STAG1: variants seen among roughly 807,000 people sequenced by gnomAD.
The protein encoded by STAG1 is cohesin subunit SA-1.
In STAG1, 26 loss-of-function variants were observed where a neutral mutation model predicts 170.9. The observed-to-expected ratio is 0.15, with a 90% CI of 0.11 to 0.21. STAG1 has a LOEUF of 0.21. Ranked by LOEUF, STAG1 falls within the 10% of genes least tolerant of loss-of-function variation. The probability of loss-of-function intolerance (pLI) is 1.00; values close to 1 mark genes in which losing one functional copy is unlikely to be tolerated. For synonymous variants in STAG1, 514 were observed against 497.7 expected (o/e 1.03, Z -0.44); for missense variants, 964 against 1,509.5 (o/e 0.64, Z 5.99).
chr3:136,356,476 G>A (rs1377463765), intron 28 of STAG1, among the ~76,000 whole-genome samples: 2 of 151,836 alleles, frequency 1.3e-5, no homozygotes, highest in African/African-American at 4.8e-5. Context: ...AAACTCCTGG[G>A]CTCAAGTGAT....
intron 9 of STAG1, among the ~76,000 whole-genome samples, chr3:136,478,593 T>C (rs774875017): frequency 6.6e-5 from 10 of 152,196 alleles, no homozygotes; most frequent in Non-Finnish European, 1.3e-4. Context: ...ATCTATCATT[T>C]TAGCTAAAAT....
At chr3:136,687,191 T>C (rs1304893103) in intron 1 of STAG1, among the ~76,000 whole-genome samples, 1 of 152,234 alleles carries the variant, frequency 6.6e-6, no homozygotes, top group African/African-American at 2.4e-5. Flanking sequence ...GGTTGACTAC[T>C]GAATCCCCCT....
At position 136,340,471 on chromosome 3, in the gene STAG1, AAT is replaced by A; in HGVS notation, c.3672+18_3672+19del. On this transcript the variant is annotated intron_variant, in intron 32 of 33. Coordinates refer to ENST00000383202, the MANE Select transcript of STAG1 (RefSeq NM_005862.3). ...CCCCCACATATTTTAACAAAAGAAA[AAT>A]ATAGTGAATTTCTCTACCAGATCAA... 2.0e-6 allele frequency: 3 copies of A among 1,515,282 alleles called. No individual in the cohort carries two copies. Among genetic ancestry groups the A allele is most frequent in the Non-Finnish European group, 2.8e-6 (3 of 1,089,976 alleles). The allele number at this position is 1,515,282 out of a possible 1,614,324, so 93.9% of individuals were successfully genotyped here. A position where few individuals can be genotyped will look rare whatever the true frequency, so the allele number is the denominator to read the frequency against.
At chr3:136,613,313 C>CAAAAAAAAAAAAAAAAAAAAAAAAAA (rs60449608) in intron 3 of STAG1, among the ~76,000 whole-genome samples, 1 of 59,762 alleles carries the variant, frequency 1.7e-5, no homozygotes, top group African/African-American at 7.0e-5. Flanking sequence ...GACTCCGTCT[C>CAAAAAAAAAAAAAAAAAAAAAAAAAA]AAAAAAAAAA....
Position 136,363,380 on chromosome 3 carries a change from G to A in STAG1, c.2773C>T (p.Leu925Phe). Reference sequence around the variant, plus strand: ...AAATTTCTTACCTGTTGCAAACTGAGAATGAGAGTCTTGGCACACTGAATT... The same window carrying A: ...AAATTTCTTACCTGTTGCAAACTGAAAATGAGAGTCTTGGCACACTGAATT... ...DKIQCAKTLI[L>F]SLQQLFNELV... Residue 925 changes from leucine to phenylalanine, a missense_variant, in exon 26 of 34, where the codon CTC becomes TTC. By Grantham distance (22) the Leu-to-Phe change is conservative. Transcript: ENST00000383202. 1 of 1,594,074 alleles carries A rather than the reference G, an allele frequency of 6.3e-7. No individual in the cohort carries two copies. The highest frequency in any genetic ancestry group is 8.6e-7 in the Non-Finnish European group (1 of 1,165,156).
intron 5 of STAG1, among the ~76,000 whole-genome samples, chr3:136,545,109 C>A (rs947284877): frequency 6.6e-6 from 1 of 151,880 alleles, no homozygotes; most frequent in Non-Finnish European, 1.5e-5. Flanking sequence ...AGTGCAATGG[C>A]GCGATCTCAG....
chr3:136,683,311 T>C (rs4456810), intron 1 of STAG1, among the ~76,000 whole-genome samples: 41,323 of 151,910 alleles, frequency 0.27, 5,671 homozygotes, highest in African/African-American at 0.31. Context: ...TCTCCCAGGC[T>C]GGAGTACAGT....
chr3:136,360,289 G>A (rs947622924), intron 26 of STAG1, among the ~76,000 whole-genome samples: 5 of 152,012 alleles, frequency 3.3e-5, no homozygotes, highest in Non-Finnish European at 5.9e-5. Context: ...GTAAGGTTTC[G>A]CCTGCTCAAT....
chr3:136,554,750 G>A (rs9834780), intron 5 of STAG1, among the ~76,000 whole-genome samples: 4 of 151,922 alleles, frequency 2.6e-5, no homozygotes, highest in African/African-American at 9.7e-5. Flanking sequence ...AGAAAAATCA[G>A]CTGGTGTGGT....
intron 28 of STAG1, among the ~76,000 whole-genome samples, chr3:136,352,505 A>G (rs1426471178): frequency 1.3e-5 from 2 of 152,210 alleles, no homozygotes; most frequent in Non-Finnish European, 2.9e-5. Context: ...ACAAAGAAAC[A>G]GGAAAATGTG....
intron 23 of STAG1, among the ~76,000 whole-genome samples, chr3:136,376,034 A>AATAAAATAAAATAAAATAAAATAAG (rs1937597889): frequency 1.3e-5 from 2 of 148,356 alleles, no homozygotes; most frequent in Non-Finnish European, 3.0e-5. Flanking sequence ...AATAAAATAA[A>AATAAAATAAAATAAAATAAAATAAG]ATAAAATAAA....
chr3:136,529,941 C>G (rs377489581), intron 6 of STAG1, among the ~76,000 whole-genome samples: 1 of 152,036 alleles, frequency 6.6e-6, no homozygotes, highest in South Asian at 2.1e-4. Context: ...AAGACAAAGA[C>G]CAGATGAGTA....
chr3:136,360,988 G>A (rs1167816093), intron 26 of STAG1, among the ~76,000 whole-genome samples: 1 of 151,972 alleles, frequency 6.6e-6, no homozygotes, highest in Non-Finnish European at 1.5e-5. Flanking sequence ...TTCACATATT[G>A]GTATATACAA....
chr3:136,522,556 TTTTG>T (rs1319968010), intron 6 of STAG1, among the ~76,000 whole-genome samples: 1 of 152,068 alleles, frequency 6.6e-6, no homozygotes, highest in Non-Finnish European at 1.5e-5. Flanking sequence ...TGCTGTTCTT[TTTTG>T]TTTTTAATTA....
At chr3:136,603,516 T>G (rs1938781783) in intron 4 of STAG1, among the ~76,000 whole-genome samples, 1 of 152,178 alleles carries the variant, frequency 6.6e-6, no homozygotes, top group Non-Finnish European at 1.5e-5. Context: ...GGCTTATCCT[T>G]ACAATGCATT....
At chr3:136,663,159 G>T (rs1941634580) in intron 1 of STAG1, among the ~76,000 whole-genome samples, 1 of 151,988 alleles carries the variant, frequency 6.6e-6, no homozygotes, top group African/African-American at 2.4e-5. Context: ...TGTGTAAGAG[G>T]ATAAAAAAGC....
intron 22 of STAG1, among the ~76,000 whole-genome samples, chr3:136,380,557 A>T (rs1937898077): frequency 6.6e-6 from 1 of 152,012 alleles, no homozygotes; most frequent in Admixed American, 6.6e-5. Context: ...ATTTAGAATG[A>T]GGGCCTGAAA....
intron 1 of STAG1, among the ~76,000 whole-genome samples, chr3:136,702,119 G>GAGAGAGAC (rs1559960296): frequency 1.5e-5 from 1 of 68,214 alleles, no homozygotes; most frequent in Non-Finnish European, 3.3e-5. Context: ...GAGAGAGAGA[G>GAGAGAGAC]AGACAGAGAG....
chr3:136,511,089 A>G (rs1029703650), intron 7 of STAG1, among the ~76,000 whole-genome samples: 3 of 152,142 alleles, frequency 2.0e-5, no homozygotes, highest in Non-Finnish European at 4.4e-5. Flanking sequence ...TGACGGTTTT[A>G]TACGTCTCTG....
Sources: allele counts gnomAD v4.1 joint callset (sites outside exome capture counted in the v4.1 genomes callset), GRCh38; gene constraint gnomAD v4.1.1; transcripts MANE v1.5; gene names NCBI Gene and HGNC (gene_info 2026-07-23, HGNC 2026-07-21).